CHMP4A: variants seen among roughly 807,000 people sequenced by gnomAD.
CHMP4A encodes the protein SNF7 homolog associated with Alix-2.
Under a neutral mutation model 28.2 loss-of-function variants are expected in CHMP4A, and 29 were observed. The ratio of observed to expected loss-of-function variants is 1.03; its 90% CI spans 0.77 to 1.40. The LOEUF is 1.40. Among genes scored for constraint, CHMP4A ranks in the 40% most tolerant of loss-of-function variants. CHMP4A has a pLI of 0.00. For synonymous variants in CHMP4A, 88 were observed against 99.3 expected, an observed-to-expected ratio of 0.89 and a Z score of 0.67; for missense variants, 241 against 263.5, an observed-to-expected ratio of 0.91 and a Z score of 0.59.
rs376398125 is a variant in CHMP4A, at chr14:24,212,722, A to AC, written c.31+686_31+687insG. ...AGGCGCGTGCCACCACAACCAGCTA[A>AC]TTTTTTTTTTTTTTTTGTATTTTTA... On this transcript the variant is annotated intron_variant, in intron 1 of 5. Coordinates refer to ENST00000347519, the MANE Select transcript of CHMP4A (RefSeq NM_014169.5). 3 of 151,570 alleles carry AC rather than the reference A, an allele frequency of 2.0e-5. No individual in the cohort carries two copies. In the Admixed American group the frequency reaches 2.1e-4, roughly 11 times the overall value. The allele number at this position is 151,570 out of a possible 1,614,324, so 9.4% of individuals were successfully genotyped here.
rs1457065978 is a variant in CHMP4A at position 24,210,011 on chromosome 14, T to C, written c.611-76A>G. The C allele has an allele frequency of 3.8e-6, 5 of 1,326,036 alleles. No homozygotes were observed. The African/African-American group carries it at 7.2e-5, about 19-fold the overall frequency. The allele number at this position is 1,326,036 out of a possible 1,614,324, so 82.1% of individuals were successfully genotyped here. On this transcript the variant is annotated intron_variant, in intron 5 of 5. Coordinates refer to ENST00000347519, the MANE Select transcript of CHMP4A (RefSeq NM_014169.5). ...CAGCAACTCCAACCATCCCCTGCTA[T>C]GACATTCAGAGCCTGCTGAATTCTG...
chr14:24,210,372 A>AAG lies in CHMP4A; in HGVS notation c.584_585dup (p.Ser196LeufsTer20). The AAG allele has an allele frequency of 6.2e-7, 1 of 1,614,036 alleles. No homozygotes were observed. The highest frequency in any genetic ancestry group is 8.5e-7 in the Non-Finnish European group (1 of 1,179,996). ...CCTGGCCCTGCCGGCAGATGAGTAG[A>AAG]AGGTACACTAGGCAATTTGACTGAG... On this transcript the variant is annotated frameshift_variant, in exon 5 of 6. Coordinates refer to ENST00000347519, the MANE Select transcript of CHMP4A (RefSeq NM_014169.5). LOFTEE classifies it high-confidence loss of function.
At chr14:24,211,185 AAAAAC>A (rs994291291) in intron 3 of CHMP4A, 25 of 504,716 alleles carry the variant, frequency 5.0e-5, no homozygotes, top group South Asian at 8.5e-5. Context: ...CTCCATCTCA[AAAAAC>A]AAAACAAAAC....
At chr14:24,211,323 T>C (rs2039588661) in intron 3 of CHMP4A, 92 bp downstream of exon 3, 5 of 1,167,950 alleles carry the variant, frequency 4.3e-6, no homozygotes, top group Non-Finnish European at 6.0e-6. Flanking sequence ...ATACTGCAAA[T>C]TCACATTCTG....
chr14:24,209,863 C>T lies in CHMP4A; in HGVS notation c.*14G>A. 6.2e-7 allele frequency: 1 copy of T among 1,612,480 alleles called. No homozygotes were observed. Among genetic ancestry groups the T allele is most frequent in the Non-Finnish European group, 8.5e-7 (1 of 1,178,502 alleles). ...ACCAACAAAGGTAGCATTAGGAAGA[C>T]AAGCCCAGATTTATCAGGATACCCA... is the stretch of plus-strand genomic sequence containing the variant. On this transcript the variant is annotated 3_prime_UTR_variant, in exon 6 of 6. Coordinates refer to ENST00000347519, the MANE Select transcript of CHMP4A (RefSeq NM_014169.5).
At chr14:24,212,738 T>G (rs975530846) in intron 1 of CHMP4A, 12 of 183,464 alleles carry the variant, frequency 6.5e-5, no homozygotes, top group African/African-American at 3.0e-4. Flanking sequence ...TTTTTTTTTT[T>G]GTATTTTTAG....
At chr14:24,212,495 T>C (rs372643759) in intron 1 of CHMP4A, 1 of 148,698 alleles carries the variant, frequency 6.7e-6, no homozygotes, top group Non-Finnish European at 1.5e-5. Flanking sequence ...CAAGTGATTC[T>C]CCTGCCTCAG....
At chr14:24,210,043 C>G in intron 5 of CHMP4A, 108 bp from the exon 6 acceptor site, 1 of 1,088,406 alleles carries the variant, frequency 9.2e-7, no homozygotes, top group Non-Finnish European at 1.4e-6. Context: ...TCTGTCTCCC[C>G]AGCAAAAAAC....
At position 24,209,953 on chromosome 14, in the gene CHMP4A, C is replaced by T; in HGVS notation, c.611-18G>A. ...TTTGGGAGCTTTGAGGACAAAGATA[C>T]CCAGAGAAAAGAAAGGAGAAGCAGT... On this transcript the variant is annotated intron_variant, in intron 5 of 5. Coordinates refer to ENST00000347519, the MANE Select transcript of CHMP4A (RefSeq NM_014169.5). 5.6e-6 allele frequency: 9 copies of T among 1,612,294 alleles called. No individual in the cohort carries two copies. Among genetic ancestry groups the T allele is most frequent in the Non-Finnish European group, 7.6e-6 (9 of 1,178,432 alleles).
chr14:24,210,236 G>T, intron 5 of CHMP4A, 112 bp downstream of exon 5: 1 of 1,404,576 alleles, frequency 7.1e-7, no homozygotes, highest in Non-Finnish European at 9.7e-7. Context: ...CACAACTGCA[G>T]CAGCAGCCCT....
Position 24,210,692 on chromosome 14 carries a change from T to C in CHMP4A, c.436A>G (p.Ile146Val). ...TCTCCAAAGCCCATAGGCCGAGAAATGGCATCTGAGATCTGCTGGGCCACC... is the reference window on the plus strand; with the variant it reads ...TCTCCAAAGCCCATAGGCCGAGAAACGGCATCTGAGATCTGCTGGGCCACC... ...QEVAQQISDAISRPMGFGDDV... is the reference protein window; with the variant it reads ...QEVAQQISDAVSRPMGFGDDV... The change falls in exon 4 of 6, where the codon ATT (isoleucine) becomes GTT (valine). Residue 146 changes from isoleucine to valine, a missense_variant. Ile to Val is a conservative substitution (Grantham distance 29). Transcript: ENST00000347519. 1 of 1,614,118 alleles carries C rather than the reference T, an allele frequency of 6.2e-7. No homozygotes were observed. The highest frequency in any genetic ancestry group is 8.5e-7 in the Non-Finnish European group (1 of 1,180,002).
intron 1 of CHMP4A, chr14:24,212,080 C>G: frequency 2.8e-6 from 1 of 362,050 alleles, no homozygotes; most frequent in Non-Finnish European, 5.0e-6. Flanking sequence ...ATTCTTTTTA[C>G]TATTCCTAGC....
intron 4 of CHMP4A, 78 bp from the exon 5 acceptor site, chr14:24,210,561 C>T: frequency 1.3e-6 from 2 of 1,597,840 alleles, no homozygotes; most frequent in Non-Finnish European, 1.7e-6. Context: ...TTGAAGTTCC[C>T]TCCCAAACTT....
At chr14:24,213,299 C>G in intron 1 of CHMP4A, 110 bp downstream of exon 1, 1 of 1,323,376 alleles carries the variant, frequency 7.6e-7, no homozygotes, top group Non-Finnish European at 9.9e-7. Flanking sequence ...AGCCTGTCTC[C>G]TGATTCTCTT....
In CHMP4A at chr14:24,213,409, C is replaced by A. The variant is rs149642194; in HGVS notation, c.31G>T (p.Gly11Trp). 1.2e-6 allele frequency: 2 copies of A among 1,600,926 alleles called. No individual in the cohort carries two copies. The highest frequency in any genetic ancestry group is 2.7e-5 in the African/African-American group (2 of 74,472). ...GCTGGCCAGTCCCACCCTGGCTCAC[C>A]CTTCCCGAAGAGCCTGCCGAGACCA... MSGLGRLFGKGKKEKGPTPEE... is the reference protein window; with the variant it reads MSGLGRLFGKWKKEKGPTPEE... Residue 11 changes from glycine (G) to tryptophan (W), a missense_variant and splice_region_variant, in exon 1 of 6, where the codon GGG (glycine) becomes TGG (tryptophan). Gly to Trp is a radical substitution (Grantham distance 184). Coordinates refer to ENST00000347519, the MANE Select transcript of CHMP4A (RefSeq NM_014169.5).
chr14:24,210,056 A>G (rs1037423057), intron 5 of CHMP4A, 121 bp from the exon 6 acceptor site: 10 of 999,752 alleles, frequency 1.0e-5, no homozygotes, highest in Non-Finnish European at 1.4e-5. Context: ...CAAAAAACCT[A>G]AAGGTATGGT....
chr14:24,209,994 C>A, intron 5 of CHMP4A, 59 bp from the exon 6 acceptor site: 1 of 1,422,012 alleles, frequency 7.0e-7, no homozygotes, highest in South Asian at 1.1e-5. Context: ...CTCAGCAACT[C>A]CAACCATCCC....
intron 1 of CHMP4A, 44 bp downstream of exon 1, chr14:24,213,365 C>A: frequency 1.3e-6 from 2 of 1,524,614 alleles, no homozygotes; most frequent in Non-Finnish European, 1.7e-6. Flanking sequence ...TCTTCCCCTG[C>A]ACCAGCCAGC....
intron 3 of CHMP4A, 40 bp from the exon 4 acceptor site, chr14:24,210,808 G>A: frequency 6.9e-7 from 1 of 1,458,058 alleles, no homozygotes; most frequent in South Asian, 1.1e-5. Context: ...ACGCAACAAT[G>A]CCCCCTTGAC....
Sources: gnomAD v4.1 joint callset for allele counts on GRCh38, gnomAD v4.1.1 for gene constraint, MANE v1.5 for transcripts, NCBI Gene and HGNC (gene_info 2026-07-23, HGNC 2026-07-21) for gene names.